SIPA1L1: variants seen among roughly 807,000 people sequenced by gnomAD.
SIPA1L1 encodes the protein signal-induced proliferation-associated 1-like protein 1.
SIPA1L1 carries 26 observed loss-of-function variants against 162.7 expected under a neutral mutation model. The ratio of observed to expected loss-of-function variants is 0.16; its 90% CI spans 0.12 to 0.22. The LOEUF (loss-of-function observed/expected upper bound fraction) is 0.22, where lower values mean the gene tolerates loss of function less well. SIPA1L1 is among the 10% of genes least tolerant of loss of function. SIPA1L1 has a pLI of 1.00. For missense variants in SIPA1L1, 1,874 were observed against 2,241.0 expected, an observed-to-expected ratio of 0.84 and a Z score of 3.31; for synonymous variants, 829 against 837.4, an observed-to-expected ratio of 0.99 and a Z score of 0.17.
chr14:71,532,427 G>T (rs1429040014), intron 4 of SIPA1L1, among the ~76,000 whole-genome samples: 1 of 152,144 alleles, frequency 6.6e-6, no homozygotes, highest in Non-Finnish European at 1.5e-5. Flanking sequence ...ATGGAAAGTG[G>T]TACAAAAACT....
In SIPA1L1 at chr14:71,453,796, C is replaced by G. The variant is rs143170193; in HGVS notation, c.-464-58947C>G. Among the ~76,000 whole-genome samples, 310 of 152,024 alleles carry G rather than the reference C, an allele frequency of 2.0e-3. 2 individuals are homozygous for G. The highest frequency in any genetic ancestry group is 0.017 in the Admixed American group (259 of 15,274). On this transcript the variant is annotated intron_variant, in intron 2 of 23. Transcript: ENST00000381232. ...ATCACCTGAGGTCGGGAGTTCAAGA[C>G]CAGCTTAGCTAACATGGTGCAACCC... is the stretch of plus-strand genomic sequence containing the variant.
chr14:71,449,757 G>A (rs1447170863), intron 2 of SIPA1L1, among the ~76,000 whole-genome samples: 1 of 152,192 alleles, frequency 6.6e-6, no homozygotes, highest in Non-Finnish European at 1.5e-5. Context: ...ATTTATTAAT[G>A]TTATTATGAA....
intron 2 of SIPA1L1, among the ~76,000 whole-genome samples, chr14:71,342,710 A>C (rs903913804): frequency 2.6e-5 from 4 of 152,296 alleles, no homozygotes; most frequent in Middle Eastern, 3.4e-3. Flanking sequence ...TTTTGAATCC[A>C]GTATACCCAC....
rs779874892 is a variant in SIPA1L1, at chr14:71,419,480, CTTTTTTTT to C, written c.-464-93242_-464-93235del. 5.1e-3 allele frequency among the ~76,000 whole-genome samples: 434 copies of C among 85,198 alleles called. 3 individuals are homozygous for C. Among genetic ancestry groups the C allele is most frequent in the African/African-American group, 0.019 (400 of 20,736 alleles). The allele number at this position is 85,198 out of a possible 152,430, so 55.9% of individuals were successfully genotyped here. A position where few individuals can be genotyped will look rare whatever the true frequency, so the allele number is the denominator to read the frequency against. Reference sequence around the variant, plus strand: ...TTTGAAAGGCTCAAGGAGGATCTCTCTTTTTTTTTTTTTTTTTTTTTTTTTTTTGAGAC... The same window carrying C: ...TTTGAAAGGCTCAAGGAGGATCTCTCTTTTTTTTTTTTTTTTTTTTGAGAC... On this transcript the variant is annotated intron_variant, in intron 2 of 23. Coordinates refer to ENST00000381232, the MANE Select transcript of SIPA1L1 (RefSeq NM_001386936.1).
Position 71,588,288 on chromosome 14 carries a change from T to C in SIPA1L1, c.416T>C (p.Leu139Pro), listed in dbSNP as rs1424096349. ...SAMLKSIQNT[L>P]KNKTRPSENM... ...ATGCTGAAAAGCATACAGAACACGC[T>C]GAAAAACAAGACAAGACCGTCGGAG... is the stretch of plus-strand genomic sequence containing the variant. The change falls in exon 5 of 24, where the codon CTG (leucine) becomes CCG (proline). Residue 139 changes from leucine (L) to proline (P), a missense_variant. Physicochemically the swap from Leu to Pro is moderately conservative, Grantham distance 98 (BLOSUM62 -3). Coordinates refer to ENST00000381232, the MANE Select transcript of SIPA1L1 (RefSeq NM_001386936.1). The surrounding 1 kb of genome is among the most constrained non-coding windows in gnomAD (Gnocchi z 4.3). The C allele has an allele frequency of 2.5e-6, 4 of 1,614,004 alleles. No individual in the cohort carries two copies. The highest frequency in any genetic ancestry group is 3.4e-6 in the Non-Finnish European group (4 of 1,179,992).
At chr14:71,398,815 T>G (rs951096683) in intron 2 of SIPA1L1, among the ~76,000 whole-genome samples, 1 of 152,192 alleles carries the variant, frequency 6.6e-6, no homozygotes, top group Non-Finnish European at 1.5e-5. Context: ...CCTTGCTGCT[T>G]TTACATATCT....
At chr14:71,653,355 T>G (rs1355688472) in intron 8 of SIPA1L1, among the ~76,000 whole-genome samples, 2 of 152,198 alleles carry the variant, frequency 1.3e-5, no homozygotes, top group Admixed American at 1.3e-4. Context: ...TTGCTTGGCT[T>G]TTGGAATTTA....
chr14:71,432,522 G>T (rs1450575254), intron 2 of SIPA1L1, among the ~76,000 whole-genome samples: 1 of 152,190 alleles, frequency 6.6e-6, no homozygotes, highest in Admixed American at 6.5e-5. Flanking sequence ...ACACAGAAAG[G>T]TGGAGGGAAA....
intron 2 of SIPA1L1, among the ~76,000 whole-genome samples, chr14:71,406,960 A>G (rs944651644): frequency 2.0e-5 from 3 of 152,174 alleles, no homozygotes; most frequent in Non-Finnish European, 2.9e-5. Flanking sequence ...TAACTAAAGT[A>G]GCTGGGCGCG....
At chr14:71,582,217 C>G (rs2034026201) in intron 4 of SIPA1L1, among the ~76,000 whole-genome samples, 1 of 152,062 alleles carries the variant, frequency 6.6e-6, no homozygotes, top group South Asian at 2.1e-4. Flanking sequence ...TGCTTGTAGT[C>G]CTAGCTACTC....
chr14:71,703,695 A>T (rs931882134), intron 15 of SIPA1L1, among the ~76,000 whole-genome samples: 11 of 152,182 alleles, frequency 7.2e-5, no homozygotes, highest in African/African-American at 2.7e-4. Flanking sequence ...CTTCAGCATG[A>T]CTTTAGCGGC....
At chr14:71,516,086 G>A (rs947948358) in intron 3 of SIPA1L1, among the ~76,000 whole-genome samples, 4 of 152,174 alleles carry the variant, frequency 2.6e-5, no homozygotes, top group Non-Finnish European at 5.9e-5. Context: ...GTGGTTACTA[G>A]GCCTCTAAGT....
intron 17 of SIPA1L1, among the ~76,000 whole-genome samples, chr14:71,721,959 C>G (rs1411943507): frequency 6.6e-6 from 1 of 152,196 alleles, no homozygotes; most frequent in East Asian, 1.9e-4. Context: ...CTGAGAATTC[C>G]CCTCTGGCCC....
chr14:71,502,254 A>AT (rs1382801103), intron 2 of SIPA1L1, among the ~76,000 whole-genome samples: 15,423 of 111,634 alleles, frequency 0.14, 901 homozygotes, highest in East Asian at 0.19. Flanking sequence ...AAAAAAAAAA[A>AT]AATATATATA....
chr14:71,563,051 A>G (rs1429609474), intron 4 of SIPA1L1, among the ~76,000 whole-genome samples: 1 of 152,226 alleles, frequency 6.6e-6, no homozygotes, highest in Non-Finnish European at 1.5e-5. Context: ...GAAGGCAGGC[A>G]GGGACTTTTG....
At chr14:71,471,190 G>T (rs1354809933) in intron 2 of SIPA1L1, among the ~76,000 whole-genome samples, 1 of 152,180 alleles carries the variant, frequency 6.6e-6, no homozygotes, top group Non-Finnish European at 1.5e-5. Flanking sequence ...TGGGAATTGG[G>T]CCAGGTGCAT....
intron 2 of SIPA1L1, among the ~76,000 whole-genome samples, chr14:71,455,639 G>A (rs1400096149): frequency 6.6e-6 from 1 of 152,112 alleles, no homozygotes; most frequent in Admixed American, 6.5e-5. Flanking sequence ...CTTTGCTAAA[G>A]ACTTTGGCAT....
At chr14:71,450,142 C>T (rs752900676) in intron 2 of SIPA1L1, among the ~76,000 whole-genome samples, 20 of 152,010 alleles carry the variant, frequency 1.3e-4, no homozygotes, top group South Asian at 8.3e-4. Context: ...TTTTCTATTA[C>T]GATTATTTAC....
chr14:71,662,080 G>A (rs1014101378), intron 10 of SIPA1L1, among the ~76,000 whole-genome samples: 1 of 152,194 alleles, frequency 6.6e-6, no homozygotes, highest in Non-Finnish European at 1.5e-5. Context: ...TAGCTCGATA[G>A]GGGTGTAGTG....
Sources: allele counts gnomAD v4.1 joint callset (sites outside exome capture counted in the v4.1 genomes callset), GRCh38; gene constraint gnomAD v4.1.1; non-coding constraint Gnocchi (gnomAD v3.1); transcripts MANE v1.5; gene names NCBI Gene and HGNC (gene_info 2026-07-23, HGNC 2026-07-21).